The following OTUD7A variants were observed in gnomAD, a reference collection of about 807,000 sequenced individuals.
OTUD7A encodes OTU domain-containing protein 7A.
Under a neutral mutation model 65.7 loss-of-function variants are expected in OTUD7A, and 12 were observed. That is an observed-to-expected ratio of 0.18 (90% CI 0.12 to 0.30). The LOEUF is 0.30. Ranked by LOEUF, OTUD7A falls within the 10% of genes least tolerant of loss-of-function variation. OTUD7A has a pLI of 1.00. For missense variants in OTUD7A, 1,148 were observed against 1,304.8 expected (o/e 0.88, Z 1.85); for synonymous variants, 641 against 586.3 (o/e 1.09, Z -1.35).
chr15:31,710,731 T>C (rs905160231), intron 1 of OTUD7A, among the ~76,000 whole-genome samples: 1 of 152,280 alleles, frequency 6.6e-6, no homozygotes, highest in Non-Finnish European at 1.5e-5. Context: ...AGCTATCCAT[T>C]ATTGAAAGTG....
intron 1 of OTUD7A, among the ~76,000 whole-genome samples, chr15:31,807,803 C>A (rs1025682187): frequency 6.6e-6 from 1 of 152,012 alleles, no homozygotes; most frequent in African/African-American, 2.4e-5. Flanking sequence ...CTCCACTCCC[C>A]CAACCCCCCA....
chr15:31,623,831 A>C (rs1890874437), intron 3 of OTUD7A, among the ~76,000 whole-genome samples: 1 of 152,240 alleles, frequency 6.6e-6, no homozygotes, highest in African/African-American at 2.4e-5. Context: ...TTGGAAATGC[A>C]GAAATCACCT....
chr15:31,761,581 A>G (rs769749274), intron 1 of OTUD7A, among the ~76,000 whole-genome samples: 1 of 152,228 alleles, frequency 6.6e-6, no homozygotes, highest in Non-Finnish European at 1.5e-5. Context: ...GTAGGAACAT[A>G]AAATGATACA....
intron 3 of OTUD7A, among the ~76,000 whole-genome samples, chr15:31,640,854 G>A (rs1361536959): frequency 6.6e-6 from 1 of 152,170 alleles, no homozygotes; most frequent in Non-Finnish European, 1.5e-5. Flanking sequence ...GTGTATGTGT[G>A]TGTGTATGTG....
intron 8 of OTUD7A, 139 bp downstream of exon 8, chr15:31,526,210 G>A: frequency 1.0e-6 from 1 of 959,500 alleles, no homozygotes; most frequent in Non-Finnish European, 1.5e-6. Context: ...TGAAGCTAAT[G>A]CTGGAAAGCT....
intron 3 of OTUD7A, among the ~76,000 whole-genome samples, chr15:31,620,273 T>C (rs1304809938): frequency 1.3e-5 from 2 of 152,206 alleles, no homozygotes; most frequent in Non-Finnish European, 2.9e-5. Flanking sequence ...AGGATGATGC[T>C]GGCCTCATAA....
chr15:31,483,525 G>C lies in OTUD7A; in HGVS notation c.2571C>G (p.Thr857=), dbSNP rs1196601192. Residue 857 remains threonine (T), a synonymous_variant, in exon 13 of 13, where the codon ACC becomes ACG. Transcript: ENST00000307050. ...TAGAAEHKSQ[T]YTNGFGALRD... Reference sequence around the variant, plus strand: ...GCAGGGCGCCGAAGCCGTTGGTGTAGGTCTGCGACTTGTGCTCGGCCGCCC... The same window carrying C: ...GCAGGGCGCCGAAGCCGTTGGTGTACGTCTGCGACTTGTGCTCGGCCGCCC... 6.5e-6 allele frequency: 9 copies of C among 1,382,226 alleles called. No homozygotes were observed. Among genetic ancestry groups the C allele is most frequent in the Middle Eastern group, 2.4e-4 (1 of 4,084 alleles). The allele number at this position is 1,382,226 out of a possible 1,614,324, so 85.6% of individuals were successfully genotyped here.
chr15:31,685,807 C>A (rs1231561360), intron 1 of OTUD7A, among the ~76,000 whole-genome samples: 1 of 152,194 alleles, frequency 6.6e-6, no homozygotes, highest in Non-Finnish European at 1.5e-5. Flanking sequence ...TAGGAGTAAA[C>A]CAGAACCAAG....
At chr15:31,802,131 G>GTATATATATATATA (rs1286066693) in intron 1 of OTUD7A, among the ~76,000 whole-genome samples, 5 of 131,208 alleles carry the variant, frequency 3.8e-5, no homozygotes, top group African/African-American at 1.4e-4. Context: ...GTGTGTGTGT[G>GTATATATATATATA]TGTGTGTGTG....
intron 1 of OTUD7A, among the ~76,000 whole-genome samples, chr15:31,830,667 A>G (rs1032766745): frequency 6.6e-6 from 1 of 152,238 alleles, no homozygotes; most frequent in Non-Finnish European, 1.5e-5. Context: ...CTTATACCAC[A>G]ATGATGTGGT....
chr15:31,599,687 C>T (rs962555422), intron 3 of OTUD7A, among the ~76,000 whole-genome samples: 1 of 152,072 alleles, frequency 6.6e-6, no homozygotes, highest in South Asian at 2.1e-4. Flanking sequence ...TAATAACAAA[C>T]CCCTCTGAGC....
At chr15:31,512,117 T>C (rs1173401560) in intron 8 of OTUD7A, among the ~76,000 whole-genome samples, 1 of 152,258 alleles carries the variant, frequency 6.6e-6, no homozygotes, top group Non-Finnish European at 1.5e-5. Flanking sequence ...CCGCAGCTTT[T>C]TCCTCAGTCT....
In OTUD7A at chr15:31,686,118, C is replaced by A. The variant is rs185055555; in HGVS notation, c.-99-29041G>T. 2.5e-3 allele frequency among the ~76,000 whole-genome samples: 388 copies of A among 152,342 alleles called. 3 individuals carry two copies. Among genetic ancestry groups the A allele is most frequent in the African/African-American group, 8.8e-3 (366 of 41,580 alleles). On this transcript the variant is annotated intron_variant, in intron 1 of 12. Coordinates refer to ENST00000307050, the MANE Select transcript of OTUD7A (RefSeq NM_001382637.1). Reference sequence around the variant, plus strand: ...GGCTGGTGATGCTGTTGAACCCACACTGGGGAACACATACTGCCAGGCTGC... The same window carrying A: ...GGCTGGTGATGCTGTTGAACCCACAATGGGGAACACATACTGCCAGGCTGC...
intron 1 of OTUD7A, among the ~76,000 whole-genome samples, chr15:31,688,089 G>A (rs1360742703): frequency 2.6e-5 from 4 of 151,996 alleles, no homozygotes; most frequent in Non-Finnish European, 4.4e-5. Context: ...GGTGACGGGC[G>A]CCTGTAGTCC....
At chr15:31,562,567 G>C (rs1379529795) in intron 4 of OTUD7A, among the ~76,000 whole-genome samples, 1 of 152,048 alleles carries the variant, frequency 6.6e-6, no homozygotes, top group African/African-American at 2.4e-5. Context: ...TGCTGTGCTG[G>C]GCCTCCTGTT....
chr15:31,589,413 C>T (rs1486160502), intron 3 of OTUD7A, among the ~76,000 whole-genome samples: 2 of 150,780 alleles, frequency 1.3e-5, no homozygotes, highest in African/African-American at 4.9e-5. Flanking sequence ...AATCCTCCCA[C>T]CTTAGCCTCC....
intron 3 of OTUD7A, among the ~76,000 whole-genome samples, chr15:31,628,335 T>C (rs1209986049): frequency 1.3e-5 from 2 of 152,218 alleles, no homozygotes; most frequent in Non-Finnish European, 2.9e-5. Flanking sequence ...CCCAGCACCA[T>C]TTATTAAATA....
chr15:31,716,492 G>A (rs543202497), intron 1 of OTUD7A, among the ~76,000 whole-genome samples: 292 of 120,550 alleles, frequency 2.4e-3, no homozygotes, highest in Middle Eastern at 8.1e-3. Context: ...CCTCCACAGA[G>A]AGCAACAGGA....
chr15:31,813,658 A>C (rs558180648), intron 1 of OTUD7A, among the ~76,000 whole-genome samples: 1 of 152,380 alleles, frequency 6.6e-6, no homozygotes, highest in Non-Finnish European at 1.5e-5. Flanking sequence ...TTAAGAAAAA[A>C]ATAGTACATA....
Sources: gnomAD v4.1 joint callset for allele counts (sites outside exome capture counted in the v4.1 genomes callset) on GRCh38, gnomAD v4.1.1 for gene constraint, MANE v1.5 for transcripts, NCBI Gene and HGNC (gene_info 2026-07-23, HGNC 2026-07-21) for gene names.